The following ANXA4 variants were observed in gnomAD, a reference collection of about 807,000 sequenced individuals.
ANXA4 encodes the protein 35-beta calcimedin.
In ANXA4, 39 loss-of-function variants were observed where a neutral mutation model predicts 49.8. The observed-to-expected ratio is 0.78, with a 90% CI of 0.61 to 1.02. The LOEUF is 1.02. ANXA4 is among the 50% of genes least tolerant of loss of function. The probability of loss-of-function intolerance (pLI) is 0.00; values close to 1 mark genes in which losing one functional copy is unlikely to be tolerated. For missense variants in ANXA4, 360 were observed against 410.1 expected, an observed-to-expected ratio of 0.88 and a Z score of 1.05; for synonymous variants, 134 against 152.5, an observed-to-expected ratio of 0.88 and a Z score of 0.89.
chr2:69,667,615 C>G (rs992117100), intron 2 of ANXA4, among the ~76,000 whole-genome samples: 3 of 152,170 alleles, frequency 2.0e-5, no homozygotes, highest in Non-Finnish European at 4.4e-5. Flanking sequence ...ACATTTATGT[C>G]AGTTCTTCTC....
At chr2:69,755,185 G>A (rs187823154) in intron 1 of ANXA4, among the ~76,000 whole-genome samples, 5 of 152,324 alleles carry the variant, frequency 3.3e-5, no homozygotes, top group Admixed American at 3.3e-4. Flanking sequence ...CAAGGGCTAA[G>A]GTGAGGGGGA....
intron 3 of ANXA4, among the ~76,000 whole-genome samples, chr2:69,798,840 C>T (rs534199984): frequency 1.3e-5 from 2 of 152,170 alleles, no homozygotes; most frequent in Non-Finnish European, 2.9e-5. Context: ...AATGAAGCAG[C>T]CTTGTTGTCT....
chr2:69,822,742 G>A (rs927243423), intron 12 of ANXA4, among the ~76,000 whole-genome samples: 1 of 152,270 alleles, frequency 6.6e-6, no homozygotes, highest in Non-Finnish European at 1.5e-5. Flanking sequence ...GTAGATTAGA[G>A]GTTACCAGCA....
chr2:69,789,639 G>T (rs1311539497), intron 3 of ANXA4, among the ~76,000 whole-genome samples: 1 of 152,118 alleles, frequency 6.6e-6, no homozygotes, highest in African/African-American at 2.4e-5. Context: ...TAGTAAAATT[G>T]TCAGGGTTTT....
chr2:69,703,720 A>G (rs1678403951), intron 2 of ANXA4, among the ~76,000 whole-genome samples: 2 of 152,296 alleles, frequency 1.3e-5, no homozygotes, highest in African/African-American at 4.8e-5. Flanking sequence ...TGTCACCACT[A>G]TCATCTACTA....
chr2:69,731,047 G>T (rs1382908503), intron 3 of ANXA4, among the ~76,000 whole-genome samples: 1 of 152,200 alleles, frequency 6.6e-6, no homozygotes, highest in Non-Finnish European at 1.5e-5. Context: ...AAGCCACGAT[G>T]TCACTATTTA....
intron 2 of ANXA4, among the ~76,000 whole-genome samples, chr2:69,669,563 A>T (rs539231110): frequency 1.3e-5 from 2 of 151,930 alleles, no homozygotes; most frequent in East Asian, 3.9e-4. Context: ...ATGAGCCGAG[A>T]TCGCGCCACT....
chr2:69,727,407 C>T (rs886148051), intron 3 of ANXA4, among the ~76,000 whole-genome samples: 21 of 152,126 alleles, frequency 1.4e-4, no homozygotes, highest in African/African-American at 4.8e-4. Context: ...AATCTGATAA[C>T]ATTTGGTATA....
intron 1 of ANXA4, among the ~76,000 whole-genome samples, chr2:69,651,483 T>C (rs1231682724): frequency 6.6e-6 from 1 of 152,192 alleles, no homozygotes; most frequent in Non-Finnish European, 1.5e-5. Flanking sequence ...ACCTGTTTTT[T>C]AGTATCCATT....
chr2:69,745,953 C>T (rs1670594388), intron 1 of ANXA4, among the ~76,000 whole-genome samples: 2 of 152,130 alleles, frequency 1.3e-5, no homozygotes, highest in Non-Finnish European at 2.9e-5. Flanking sequence ...TGTATAAACT[C>T]TAGGTAATGT....
At chr2:69,763,363 T>G (rs1258733272) in intron 1 of ANXA4, among the ~76,000 whole-genome samples, 2 of 152,100 alleles carry the variant, frequency 1.3e-5, no homozygotes, top group Non-Finnish European at 2.9e-5. Context: ...TTGAAATCTG[T>G]GTAGGAAACA....
exon 1 of ANXA4, chr2:69,644,870 G>A (rs1254423940): frequency 6.6e-6 from 1 of 152,210 alleles, no homozygotes; most frequent in Non-Finnish European, 1.5e-5. Flanking sequence ...GATGGACTGT[G>A]TGATTTGCAT....
At chr2:69,732,344 G>A (rs569413191) in intron 3 of ANXA4, among the ~76,000 whole-genome samples, 64 of 152,170 alleles carry the variant, frequency 4.2e-4, no homozygotes, top group African/African-American at 1.3e-3. Context: ...GGTGTCGCTC[G>A]CTGTGTCTGT....
intron 2 of ANXA4, among the ~76,000 whole-genome samples, chr2:69,699,343 A>G (rs867757196): frequency 1.3e-5 from 2 of 152,240 alleles, no homozygotes; most frequent in South Asian, 2.1e-4. Flanking sequence ...GGACACCCAC[A>G]TAGTAAGAAA....
At chr2:69,654,080 CTGTT>C (rs1161330102) in intron 2 of ANXA4, among the ~76,000 whole-genome samples, 1 of 152,162 alleles carries the variant, frequency 6.6e-6, no homozygotes, top group Non-Finnish European at 1.5e-5. Flanking sequence ...ATTTGGCTCT[CTGTT>C]TGTCTATTAT....
chr2:69,792,990 C>A (rs928177614), intron 3 of ANXA4, among the ~76,000 whole-genome samples: 1 of 152,182 alleles, frequency 6.6e-6, no homozygotes, highest in Admixed American at 6.5e-5. Flanking sequence ...GCAATGGCTC[C>A]TGCCTGTAAT....
chr2:69,799,723 C>T (rs1421891486), intron 3 of ANXA4, among the ~76,000 whole-genome samples: 3 of 152,226 alleles, frequency 2.0e-5, no homozygotes, highest in Non-Finnish European at 4.4e-5. Context: ...GGCCTAGCCT[C>T]TGCCCCCAAG....
intron 2 of ANXA4, among the ~76,000 whole-genome samples, chr2:69,663,230 A>G (rs1676793359): frequency 7.2e-6 from 1 of 139,708 alleles, no homozygotes. Context: ...TCCTGACCTC[A>G]TGATCCTCCC....
At chr2:69,784,109 C>T (rs1203139416) in intron 2 of ANXA4, among the ~76,000 whole-genome samples, 1 of 152,216 alleles carries the variant, frequency 6.6e-6, no homozygotes, top group East Asian at 1.9e-4. Context: ...TATATCCTCT[C>T]TGTTTCCTTT....
Sources: gnomAD v4.1 joint callset for allele counts (sites outside exome capture counted in the v4.1 genomes callset) on GRCh38, gnomAD v4.1.1 for gene constraint, MANE v1.5 for transcripts, NCBI Gene and HGNC (gene_info 2026-07-23, HGNC 2026-07-21) for gene names.